Variants in GRAMD1B observed in about 807,000 individuals in gnomAD.
GRAMD1B encodes protein Aster-B.
A neutral mutation model predicts 99.7 loss-of-function variants in GRAMD1B; 37 were observed. The observed-to-expected ratio is 0.37, with a 90% CI of 0.29 to 0.49. GRAMD1B has a LOEUF of 0.49. GRAMD1B is among the 20% of genes least tolerant of loss of function. The pLI is 0.98. For missense variants in GRAMD1B, 888 were observed against 1,009.2 expected, an observed-to-expected ratio of 0.88 and a Z score of 1.63; for synonymous variants, 427 against 387.6, an observed-to-expected ratio of 1.10 and a Z score of -1.19.
At chr11:123,400,301 A>G (rs1947614767) in intron 1 of GRAMD1B, among the ~76,000 whole-genome samples, 1 of 151,836 alleles carries the variant, frequency 6.6e-6, no homozygotes, top group African/African-American at 2.4e-5. Flanking sequence ...ATATGATGGA[A>G]CCTCGCCTCT....
chr11:123,368,335 A>G (rs1946398134), intron 1 of GRAMD1B, among the ~76,000 whole-genome samples: 1 of 151,392 alleles, frequency 6.6e-6, no homozygotes, highest in African/African-American at 2.4e-5. Context: ...TGTTATCTGA[A>G]CTAGGTCAAT....
chr11:123,524,797 T>G (rs1435650227), intron 2 of GRAMD1B, among the ~76,000 whole-genome samples: 1 of 152,216 alleles, frequency 6.6e-6, no homozygotes, highest in Non-Finnish European at 1.5e-5. Context: ...TAAAGCTTTA[T>G]TATCATGGTT....
At chr11:123,533,747 T>C (rs913554903) in intron 2 of GRAMD1B, among the ~76,000 whole-genome samples, 1 of 152,228 alleles carries the variant, frequency 6.6e-6, no homozygotes, top group Non-Finnish European at 1.5e-5. Context: ...TTTTAAATCT[T>C]ATAAACTCAT....
At chr11:123,496,800 A>T (rs534301309) in intron 2 of GRAMD1B, among the ~76,000 whole-genome samples, 3 of 151,968 alleles carry the variant, frequency 2.0e-5, no homozygotes, top group African/African-American at 7.3e-5. Context: ...TGCTTAATTC[A>T]TTTTAATAAT....
At chr11:123,528,160 T>G (rs1942991703) in intron 2 of GRAMD1B, among the ~76,000 whole-genome samples, 1 of 152,074 alleles carries the variant, frequency 6.6e-6, no homozygotes, top group Non-Finnish European at 1.5e-5. Context: ...TACTCCCTAC[T>G]CTCTGGTACT....
At chr11:123,359,061 C>A (rs545988597) in intron 1 of GRAMD1B, among the ~76,000 whole-genome samples, 1 of 152,154 alleles carries the variant, frequency 6.6e-6, no homozygotes, top group Non-Finnish European at 1.5e-5. Context: ...TAGATTATCT[C>A]CTCCATGAAT....
chr11:123,489,357 G>A (rs1172404948), intron 2 of GRAMD1B, among the ~76,000 whole-genome samples: 1 of 152,198 alleles, frequency 6.6e-6, no homozygotes, highest in African/African-American at 2.4e-5. Flanking sequence ...CAGGGGACAA[G>A]ACTGAGAGTG....
chr11:123,426,628 C>T (rs1948661517), upstream of GRAMD1B, among the ~76,000 whole-genome samples: 1 of 152,142 alleles, frequency 6.6e-6, no homozygotes, highest in African/African-American at 2.4e-5. Flanking sequence ...GGGAGAGACT[C>T]TGTGTCCCAG....
At chr11:123,572,449 G>C (rs922869738) in intron 2 of GRAMD1B, among the ~76,000 whole-genome samples, 1 of 152,244 alleles carries the variant, frequency 6.6e-6, no homozygotes. Flanking sequence ...AATTGGTTTT[G>C]TTTGCTCAGC....
At position 123,402,137 on chromosome 11, in the gene GRAMD1B, T is replaced by A. The variant is rs535163705; in HGVS notation, c.-176+43338T>A. 1.2e-4 allele frequency among the ~76,000 whole-genome samples: 18 copies of A among 152,312 alleles called. No individual in the cohort carries two copies. The South Asian group carries it at 1.7e-3, about 14-fold the overall frequency. On this transcript the variant is annotated intron_variant, in intron 1 of 20. Transcript: ENST00000638157. ...TTCAAGCGATTCTCCTGCCTCAGCC[T>A]CCCAAGTAGCTGGGCTTACAGGTGT...
intron 2 of GRAMD1B, among the ~76,000 whole-genome samples, chr11:123,528,813 T>C (rs1001384374): frequency 4.6e-5 from 7 of 152,196 alleles, no homozygotes; most frequent in Non-Finnish European, 1.0e-4. Flanking sequence ...AGCTGGTGTC[T>C]CCATTTCAGA....
chr11:123,429,215 C>T (rs1948760781), upstream of GRAMD1B, among the ~76,000 whole-genome samples: 1 of 151,976 alleles, frequency 6.6e-6, no homozygotes, highest in Non-Finnish European at 1.5e-5. This position sits in a 1 kb window ranked among gnomAD's most constrained non-coding sequence, Gnocchi z 4.0. Context: ...CAAAACAAAA[C>T]AGTTACTGAC....
At chr11:123,505,179 A>G (rs28547008) in intron 2 of GRAMD1B, among the ~76,000 whole-genome samples, 1,395 of 131,762 alleles carry the variant, frequency 0.011, 27 homozygotes, top group African/African-American at 0.029. Context: ...TCTCTCTTTC[A>G]ATGTCTTTAA....
intron 1 of GRAMD1B, among the ~76,000 whole-genome samples, chr11:123,442,524 C>A (rs1024181397): frequency 4.6e-5 from 7 of 152,204 alleles, no homozygotes; most frequent in African/African-American, 1.7e-4. Flanking sequence ...AATCCCAGCA[C>A]TTTGGGAGGC....
At chr11:123,594,686 C>T (rs374115226) in intron 5 of GRAMD1B, 49 bp from the exon 6 acceptor site, 63 of 989,442 alleles carry the variant, frequency 6.4e-5, no homozygotes, top group Non-Finnish European at 8.5e-5. Flanking sequence ...AGTGGTTTGC[C>T]GAAAATGCTT....
intron 1 of GRAMD1B, among the ~76,000 whole-genome samples, chr11:123,372,951 C>T (rs1257059298): frequency 6.6e-6 from 1 of 152,016 alleles, no homozygotes; most frequent in Non-Finnish European, 1.5e-5. Flanking sequence ...ACCAACCTGG[C>T]CAACATGGCG....
chr11:123,558,633 T>A (rs1276245633), intron 2 of GRAMD1B, among the ~76,000 whole-genome samples: 1 of 152,204 alleles, frequency 6.6e-6, no homozygotes, highest in Non-Finnish European at 1.5e-5. Context: ...TAGTCCAAGA[T>A]CTTTCCGTGG....
intron 2 of GRAMD1B, among the ~76,000 whole-genome samples, chr11:123,540,368 C>T (rs1273536186): frequency 6.6e-6 from 1 of 152,200 alleles, no homozygotes; most frequent in African/African-American, 2.4e-5. Context: ...GCATGAGCCA[C>T]AGCACCCAGC....
rs965803127 is a variant in GRAMD1B at position 123,430,538 on chromosome 11, G to A, written c.-255G>A. ...GCCGAGTGGCTGGCAGGCGGCTCCC[G>A]CCCCTCCCGGGTGGCCTCGCCGGCG... On this transcript the variant is annotated 5_prime_UTR_variant, in exon 1 of 20. Transcript: ENST00000635736. 2.2e-6 allele frequency: 1 copy of A among 444,990 alleles called. No homozygotes were observed. Among genetic ancestry groups the A allele is most frequent in the South Asian group, 4.7e-5 (1 of 21,300 alleles). The allele number at this position is 444,990 out of a possible 1,614,324, so 27.6% of individuals were successfully genotyped here.
Sources: allele counts gnomAD v4.1 joint callset (sites outside exome capture counted in the v4.1 genomes callset), GRCh38; gene constraint gnomAD v4.1.1; non-coding constraint Gnocchi (gnomAD v3.1); transcripts MANE v1.5; gene names NCBI Gene and HGNC (gene_info 2026-07-23, HGNC 2026-07-21).